IFT46: variants seen among roughly 807,000 people sequenced by gnomAD.
IFT46 encodes intraflagellar transport 46, also known as intraflagellar transport protein 46 homolog.
A neutral mutation model predicts 39.6 loss-of-function variants in IFT46; 19 were observed. The observed-to-expected ratio is 0.48, with a 90% CI of 0.33 to 0.70. IFT46 has a LOEUF of 0.70. Among genes scored for constraint, IFT46 ranks in the 30% least tolerant of loss-of-function variants. The pLI is 0.01. For missense variants in IFT46, 334 were observed against 364.8 expected (o/e 0.92, Z 0.69); for synonymous variants, 117 against 134.8 (o/e 0.87, Z 0.91).
At chr11:118,562,405 A>G (rs1938089908) in intron 2 of IFT46, among the ~76,000 whole-genome samples, 1 of 152,186 alleles carries the variant, frequency 6.6e-6, no homozygotes, top group Non-Finnish European at 1.5e-5. Flanking sequence ...ATGCTACCGC[A>G]CTCCAGCCTG....
chr11:118,561,042 A>G (rs1310450257), intron 2 of IFT46: 5 of 1,527,536 alleles, frequency 3.3e-6, no homozygotes, highest in African/African-American at 2.7e-5. Context: ...GACAAGATCT[A>G]TGAAGGCCAA....
chr11:118,572,431 C>A, intron 1 of IFT46: 1 of 1,020,780 alleles, frequency 9.8e-7, no homozygotes, highest in Non-Finnish European at 1.3e-6. Flanking sequence ...GGCGAAGCGG[C>A]AGCGGTTCCT....
rs1937864574 is a variant in IFT46 at position 118,557,051 on chromosome 11, A to G, written c.46-6T>C. 1 of 1,595,224 alleles carries G rather than the reference A, an allele frequency of 6.3e-7. No homozygotes were observed. The highest frequency in any genetic ancestry group is 8.5e-7 in the Non-Finnish European group (1 of 1,171,412). ...TGTGAGGTCTTCTTCTTCTCCTGTG[A>G]TAGGGCAGGGCAGGCATAGAAAGCT... On this transcript the variant is annotated splice_region_variant and splice_polypyrimidine_tract_variant and intron_variant, in intron 3 of 11. Coordinates refer to ENST00000264021, the MANE Select transcript of IFT46 (RefSeq NM_001168618.2).
chr11:118,550,226 C>A (rs535483964), intron 9 of IFT46, among the ~76,000 whole-genome samples: 1 of 152,118 alleles, frequency 6.6e-6, no homozygotes, highest in Non-Finnish European at 1.5e-5. Flanking sequence ...TGTGAGCCAC[C>A]GCGCCTGGCC....
At chr11:118,576,274 T>G (rs1048620021), upstream of IFT46, among the ~76,000 whole-genome samples, 5 of 151,886 alleles carry the variant, frequency 3.3e-5, no homozygotes, top group African/African-American at 1.2e-4. Context: ...AAAAGTTGTT[T>G]GGCAAAGCTC....
Position 118,562,775 on chromosome 11 carries a change from C to T in IFT46, c.-36+2190G>A, listed in dbSNP as rs111613354. On this transcript the variant is annotated intron_variant, in intron 2 of 11. Coordinates refer to ENST00000264021, the MANE Select transcript of IFT46 (RefSeq NM_001168618.2). ...ATTAACAAATGAATGAATTAAAAAA[C>T]GTGGCATAGGCTTGGTGCGGTGGCT... Among the ~76,000 whole-genome samples the T allele has an allele frequency of 7.5e-3, 1,140 of 152,222 alleles. 7 individuals carry two copies. Among genetic ancestry groups the T allele is most frequent in the Non-Finnish European group, 0.012 (847 of 68,010 alleles).
At chr11:118,554,246 G>A (rs151139811) in intron 7 of IFT46, among the ~76,000 whole-genome samples, 1,749 of 151,710 alleles carry the variant, frequency 0.012, 28 homozygotes, top group African/African-American at 0.039. Context: ...TAGTAGAGAC[G>A]GGGTTTCACC....
At chr11:118,565,308 G>A in intron 1 of IFT46, among the ~76,000 whole-genome samples, 1 of 151,990 alleles carries the variant, frequency 6.6e-6, no homozygotes, top group Admixed American at 6.6e-5. Context: ...AATCGTGGAG[G>A]GAAAGAGAGC....
rs566013718 is a variant in IFT46, at chr11:118,558,984, G to A, written c.45+801C>T. ...TGCCTGTAATCCCAGCACCTTGGGA[G>A]GCCTCCCAAGTAGCTGGGATTACAG... On this transcript the variant is annotated intron_variant, in intron 3 of 11. Transcript: ENST00000264021. Among the ~76,000 whole-genome samples, 42 of 148,578 alleles carry A rather than the reference G, an allele frequency of 2.8e-4. No individual in the cohort carries two copies. In the East Asian group the frequency reaches 8.6e-3, roughly 30 times the overall value.
chr11:118,552,315 G>A lies in IFT46; in HGVS notation c.504C>T (p.Ser168=). The change falls in exon 8 of 12, where the codon AGC becomes AGT. Residue 168 remains serine (S), a synonymous_variant. Coordinates refer to ENST00000264021, the MANE Select transcript of IFT46 (RefSeq NM_001168618.2). ...TGGGATTCTTTTCTGCATCTTCTAG[G>A]CTTTTTACTTTCATATGTTGCTAGG... ...HNITQHMKVK[S]LEDAEKNPKA... is the part of the protein sequence containing the mutation. The A allele has an allele frequency of 1.2e-6, 2 of 1,614,138 alleles. No homozygotes were observed. Among genetic ancestry groups the A allele is most frequent in the Admixed American group, 1.7e-5 (1 of 60,018 alleles).
At chr11:118,572,897 G>C (rs947363200) in exon 1 of IFT46, 3 of 315,756 alleles carry the variant, frequency 9.5e-6, no homozygotes, top group African/African-American at 4.3e-5. Context: ...AACTGATGCT[G>C]TCCCGCCGGT....
At chr11:118,557,645 T>C in intron 3 of IFT46, 2 of 1,442,066 alleles carry the variant, frequency 1.4e-6, no homozygotes, top group Non-Finnish European at 9.7e-7. Context: ...GACCTATCTG[T>C]ATTTCCCTTC....
upstream of IFT46, among the ~76,000 whole-genome samples, chr11:118,566,692 C>CA (rs1316718184): frequency 5.3e-5 from 8 of 152,046 alleles, no homozygotes; most frequent in Admixed American, 3.9e-4. Flanking sequence ...GACTCCGTCT[C>CA]AAAAAAAATT....
At chr11:118,568,855 C>T (rs1483818885), upstream of IFT46, among the ~76,000 whole-genome samples, 1 of 151,570 alleles carries the variant, frequency 6.6e-6, no homozygotes, top group African/African-American at 2.4e-5. Flanking sequence ...GGGGTTTCAC[C>T]ATGTTGCTCA....
At position 118,559,987 on chromosome 11, in the gene IFT46, C is replaced by T. The variant is rs112422748; in HGVS notation, c.-35-123G>A. 4.4e-4 allele frequency: 279 copies of T among 637,516 alleles called. 1 individual carries two copies. The highest frequency in any genetic ancestry group is 2.5e-3 in the Middle Eastern group (6 of 2,370). The allele number at this position is 637,516 out of a possible 1,614,324, so 39.5% of individuals were successfully genotyped here. On this transcript the variant is annotated intron_variant, in intron 2 of 11. Coordinates refer to ENST00000264021, the MANE Select transcript of IFT46 (RefSeq NM_001168618.2). The stretch of plus-strand genomic sequence containing the variant: ...AAACAAGGTTTATTGGAACATCTGG[C>T]TAAAGAGACAGGAGACTGAATTCTA...
rs781886938 is a variant in IFT46 at position 118,554,559 on chromosome 11, T to C, written c.383A>G (p.Asn128Ser). 2 of 1,610,460 alleles carry C rather than the reference T, an allele frequency of 1.2e-6. No homozygotes were observed. The highest frequency in any genetic ancestry group is 1.1e-5 in the South Asian group (1 of 90,172). The change falls in exon 7 of 12, where the codon AAC becomes AGC. Residue 128 changes from asparagine to serine, a missense_variant. Coordinates refer to ENST00000264021, the MANE Select transcript of IFT46 (RefSeq NM_001168618.2). The stretch of plus-strand genomic sequence containing the variant: ...TTCATCCAATACCAATAGGCCAAGG[T>C]TGTCAGGCTTTCCATCAGGACGTGG... ...KVPRPDGKPD[N>S]LGLLVLDEPS...
intron 3 of IFT46, among the ~76,000 whole-genome samples, chr11:118,558,371 C>A (rs1223804844): frequency 2.0e-5 from 3 of 151,766 alleles, no homozygotes; most frequent in Admixed American, 1.3e-4. Flanking sequence ...CCGAAGCAGG[C>A]GGATCATGTG....
At position 118,553,956 on chromosome 11, in the gene IFT46, T is replaced by C. The variant is rs528596952; in HGVS notation, c.483+503A>G. ...CTGTGATTATATTAAAACTAATAAG[T>C]TGTACAATTTAAAAGGCTAAACTTG... is the stretch of plus-strand genomic sequence containing the variant. On this transcript the variant is annotated intron_variant, in intron 7 of 11. Coordinates refer to ENST00000264021, the MANE Select transcript of IFT46 (RefSeq NM_001168618.2). Among the ~76,000 whole-genome samples, 4 of 152,246 alleles carry C rather than the reference T, an allele frequency of 2.6e-5. No homozygotes were observed. The East Asian group carries it at 5.8e-4, about 22-fold the overall frequency.
At chr11:118,574,513 C>T (rs1454039200), upstream of IFT46, among the ~76,000 whole-genome samples, 1 of 151,902 alleles carries the variant, frequency 6.6e-6, no homozygotes, top group African/African-American at 2.4e-5. Context: ...TATATTTTAT[C>T]ATGCATCTAA....
Sources: gnomAD v4.1 joint callset for allele counts (sites outside exome capture counted in the v4.1 genomes callset) on GRCh38, gnomAD v4.1.1 for gene constraint, MANE v1.5 for transcripts, NCBI Gene and HGNC (gene_info 2026-07-23, HGNC 2026-07-21) for gene names.